KCNN2: variants seen among roughly 807,000 people sequenced by gnomAD.
KCNN2 encodes the protein small conductance calcium-activated potassium channel protein 2.
In KCNN2, 24 loss-of-function variants were observed where a neutral mutation model predicts 55.5. The ratio of observed to expected loss-of-function variants is 0.43; its 90% CI spans 0.31 to 0.61. KCNN2 has a LOEUF of 0.61. KCNN2 is among the 20% of genes least tolerant of loss of function. KCNN2 has a pLI of 0.08. For missense variants in KCNN2, 754 were observed against 853.6 expected, an observed-to-expected ratio of 0.88 and a Z score of 1.45; for synonymous variants, 431 against 336.1, an observed-to-expected ratio of 1.28 and a Z score of -3.09.
chr5:114,179,366 T>G (rs1753194823), intron 1 of KCNN2, among the ~76,000 whole-genome samples: 1 of 152,188 alleles, frequency 6.6e-6, no homozygotes, highest in Non-Finnish European at 1.5e-5. Context: ...GTAGGGCTGA[T>G]CACAGCCTGG....
intron 2 of KCNN2, among the ~76,000 whole-genome samples, chr5:114,260,695 T>G (rs13184901): frequency 0.36 from 55,031 of 152,124 alleles, 10,684 homozygotes; most frequent in Middle Eastern, 0.54. Context: ...CCTTTAGCTC[T>G]CTTTTTCTGA....
intron 2 of KCNN2, among the ~76,000 whole-genome samples, chr5:114,245,947 GC>G (rs1046359090): frequency 2.6e-5 from 4 of 152,128 alleles, no homozygotes; most frequent in Non-Finnish European, 5.9e-5. Context: ...CACACAGAAG[GC>G]CAGATATATT....
chr5:114,272,328 A>ACATAT (rs1400217411), intron 2 of KCNN2, among the ~76,000 whole-genome samples: 16 of 118,612 alleles, frequency 1.3e-4, no homozygotes, highest in African/African-American at 5.0e-4. Context: ...ATATGTATGT[A>ACATAT]CATATACACA....
At chr5:114,408,385 A>G (rs1290356963) in intron 3 of KCNN2, among the ~76,000 whole-genome samples, 1 of 152,104 alleles carries the variant, frequency 6.6e-6, no homozygotes, top group African/African-American at 2.4e-5. Context: ...GGTAGTGACT[A>G]GTTTTTAATA....
chr5:114,126,364 C>T (rs1202071150), intron 1 of KCNN2, among the ~76,000 whole-genome samples: 1 of 152,032 alleles, frequency 6.6e-6, no homozygotes, highest in Non-Finnish European at 1.5e-5. Flanking sequence ...AGGAAACTTA[C>T]AGTCATGGCA....
chr5:114,471,904 T>C lies in KCNN2; in HGVS notation c.1780-1150T>C, dbSNP rs550964440. 1.4e-3 allele frequency among the ~76,000 whole-genome samples: 210 copies of C among 152,294 alleles called. 1 individual carries two copies. The highest frequency in any genetic ancestry group is 4.8e-3 in the African/African-American group (201 of 41,568). The stretch of plus-strand genomic sequence containing the variant: ...TGCCAGATTTGTTGCAGCAACTCAT[T>C]GAGTAAGCCCAAAGATGGATTCTTT... On this transcript the variant is annotated intron_variant, in intron 4 of 7. Coordinates refer to ENST00000673685, the MANE Select transcript of KCNN2 (RefSeq NM_021614.4).
chr5:114,182,984 T>C (rs1753267300), intron 1 of KCNN2, among the ~76,000 whole-genome samples: 1 of 152,124 alleles, frequency 6.6e-6, no homozygotes, highest in African/African-American at 2.4e-5. Flanking sequence ...TTAAATAAAA[T>C]GTTAGCTGTA....
intron 1 of KCNN2, among the ~76,000 whole-genome samples, chr5:114,112,236 C>T (rs1751614380): frequency 6.6e-6 from 1 of 152,098 alleles, no homozygotes; most frequent in African/African-American, 2.4e-5. Context: ...CGGCAGAAAA[C>T]CAAACACTGC....
intron 4 of KCNN2, among the ~76,000 whole-genome samples, chr5:114,463,633 A>G (rs570356671): frequency 2.6e-4 from 39 of 152,334 alleles, no homozygotes; most frequent in South Asian, 8.3e-4. Flanking sequence ...ATGTTTGTTG[A>G]GTGCTAGGCA....
At chr5:114,403,685 C>A (rs770910382) in intron 2 of KCNN2, among the ~76,000 whole-genome samples, 1 of 152,116 alleles carries the variant, frequency 6.6e-6, no homozygotes, top group Non-Finnish European at 1.5e-5. Context: ...TACTCTTTAT[C>A]TATATATCTA....
At chr5:114,367,924 C>G (rs1286693504) in intron 2 of KCNN2, among the ~76,000 whole-genome samples, 2 of 152,186 alleles carry the variant, frequency 1.3e-5, no homozygotes, top group African/African-American at 4.8e-5. Context: ...TTCTGGTTCT[C>G]ATGGGTCCTG....
intron 2 of KCNN2, among the ~76,000 whole-genome samples, chr5:114,377,888 C>CT (rs1254342529): frequency 3.3e-5 from 5 of 152,042 alleles, no homozygotes; most frequent in South Asian, 2.1e-4. Flanking sequence ...CTCAATAAGT[C>CT]TTAACTTCTA....
At chr5:114,319,662 C>T (rs1307144403) in intron 2 of KCNN2, among the ~76,000 whole-genome samples, 1 of 152,176 alleles carries the variant, frequency 6.6e-6, no homozygotes, top group African/African-American at 2.4e-5. Context: ...ACTTAAGTTG[C>T]ACATCCAGGT....
intron 7 of KCNN2, 91 bp downstream of exon 7, chr5:114,493,563 A>G: frequency 2.4e-6 from 2 of 850,588 alleles, no homozygotes; most frequent in Non-Finnish European, 4.0e-6. Flanking sequence ...GAGGATCCCA[A>G]CCCAAATCTA....
chr5:114,474,208 C>T (rs967432255), intron 5 of KCNN2, among the ~76,000 whole-genome samples: 15 of 152,218 alleles, frequency 9.9e-5, no homozygotes, highest in African/African-American at 3.4e-4. Context: ...TTGGTTGATA[C>T]TTCCTAACAG....
At chr5:114,057,326 C>T (rs543316796) in intron 1 of KCNN2, among the ~76,000 whole-genome samples, 1 of 152,310 alleles carries the variant, frequency 6.6e-6, no homozygotes, top group African/African-American at 2.4e-5. Context: ...CTCATAACTA[C>T]CCCACAGAGT....
At chr5:114,167,111 A>C (rs567375483) in intron 1 of KCNN2, among the ~76,000 whole-genome samples, 1 of 152,124 alleles carries the variant, frequency 6.6e-6, no homozygotes, top group African/African-American at 2.4e-5. Context: ...ATCCTAAACA[A>C]TAGCCAGTAC....
At chr5:114,390,466 G>C (rs538886055) in intron 2 of KCNN2, among the ~76,000 whole-genome samples, 1 of 152,122 alleles carries the variant, frequency 6.6e-6, no homozygotes, top group Non-Finnish European at 1.5e-5. Flanking sequence ...CCTGAAGTTA[G>C]TTAAGGTTAC....
intron 2 of KCNN2, among the ~76,000 whole-genome samples, chr5:114,224,671 T>A (rs1245349770): frequency 1.3e-5 from 2 of 152,190 alleles, no homozygotes; most frequent in African/African-American, 4.8e-5. Flanking sequence ...AGGTGAGGTT[T>A]CTGGAACATT....
Sources: gnomAD v4.1 joint callset for allele counts (sites outside exome capture counted in the v4.1 genomes callset) on GRCh38, gnomAD v4.1.1 for gene constraint, MANE v1.5 for transcripts, NCBI Gene and HGNC (gene_info 2026-07-23, HGNC 2026-07-21) for gene names.